Variants in RBMS3 observed in about 807,000 individuals in gnomAD.
The protein encoded by RBMS3 is RNA binding motif single stranded interacting protein 3.
Under a neutral mutation model 66.8 loss-of-function variants are expected in RBMS3, and 27 were observed. That is an observed-to-expected ratio of 0.40 (90% confidence interval 0.30 to 0.56). The LOEUF (loss-of-function observed/expected upper bound fraction) is 0.56. Ranked by LOEUF, RBMS3 falls within the 20% of genes least tolerant of loss-of-function variation. The pLI is 0.40. For missense variants in RBMS3, 513 were observed against 549.5 expected (o/e 0.93, Z 0.66); for synonymous variants, 188 against 183.0 (o/e 1.03, Z -0.22).
intron 12 of RBMS3, among the ~76,000 whole-genome samples, chr3:29,964,421 G>A (rs1477894283): frequency 6.6e-6 from 1 of 152,170 alleles, no homozygotes; most frequent in East Asian, 1.9e-4. Flanking sequence ...AGATCTAGTG[G>A]CATGTGCAGG....
At chr3:29,324,666 C>T (rs557862366) in intron 1 of RBMS3, among the ~76,000 whole-genome samples, 1 of 146,962 alleles carries the variant, frequency 6.8e-6, no homozygotes, top group South Asian at 2.1e-4. Flanking sequence ...CCATTAAGCC[C>T]TTACAATCTC....
intron 12 of RBMS3, among the ~76,000 whole-genome samples, chr3:29,955,936 A>G (rs1696010816): frequency 6.6e-6 from 1 of 152,050 alleles, no homozygotes; most frequent in South Asian, 2.1e-4. Flanking sequence ...TGACACTGCA[A>G]TATTTTATAC....
At chr3:29,492,454 A>C (rs1192733880) in intron 3 of RBMS3, among the ~76,000 whole-genome samples, 1 of 152,200 alleles carries the variant, frequency 6.6e-6, no homozygotes, top group Non-Finnish European at 1.5e-5. Flanking sequence ...GTATTGAAAC[A>C]ATCGTCTAAA....
At chr3:29,848,276 A>G (rs552794280) in intron 6 of RBMS3, among the ~76,000 whole-genome samples, 2 of 152,208 alleles carry the variant, frequency 1.3e-5, no homozygotes, top group African/African-American at 2.4e-5. Context: ...CCAATCTGCC[A>G]TAAGTCATTT....
At chr3:29,538,395 GA>G (rs767230709) in intron 3 of RBMS3, among the ~76,000 whole-genome samples, 2 of 152,182 alleles carry the variant, frequency 1.3e-5, no homozygotes, top group Admixed American at 6.5e-5. Flanking sequence ...GAAGAGGAAA[GA>G]GATATATACG....
chr3:29,373,829 T>C (rs192995059), intron 1 of RBMS3, among the ~76,000 whole-genome samples: 1 of 152,330 alleles, frequency 6.6e-6, no homozygotes, highest in East Asian at 1.9e-4. Flanking sequence ...TTCTCAGAAG[T>C]AATCAAAGCT....
intron 2 of RBMS3, among the ~76,000 whole-genome samples, chr3:29,485,350 CTG>C (rs2043281710): frequency 2.6e-5 from 4 of 151,770 alleles, no homozygotes; most frequent in African/African-American, 7.3e-5. Flanking sequence ...CAAATAGTTA[CTG>C]TAGACTAGCT....
At chr3:29,400,537 A>G (rs1159278207) in intron 1 of RBMS3, among the ~76,000 whole-genome samples, 2 of 151,974 alleles carry the variant, frequency 1.3e-5, no homozygotes, top group Non-Finnish European at 2.9e-5. Context: ...ACTTAATGCC[A>G]CTGAATTATT....
Position 29,734,589 on chromosome 3 carries a change from A to G in RBMS3, c.400-5131A>G, listed in dbSNP as rs560690129. 1.5e-3 allele frequency among the ~76,000 whole-genome samples: 234 copies of G among 152,216 alleles called. 1 individual carries two copies. The highest frequency in any genetic ancestry group is 5.4e-3 in the African/African-American group (226 of 41,562). Reference sequence around the variant, plus strand: ...TTCGATAGTATATAAAGTAAGCAAGAACTAATCACTCACTGAGACCCATAG... The same window carrying G: ...TTCGATAGTATATAAAGTAAGCAAGGACTAATCACTCACTGAGACCCATAG... On this transcript the variant is annotated intron_variant, in intron 4 of 14. Transcript: ENST00000383767.
chr3:29,696,899 C>T (rs896776665), intron 4 of RBMS3: 2 of 938,428 alleles, frequency 2.1e-6, no homozygotes, highest in Non-Finnish European at 2.5e-6. Context: ...TATACACCAA[C>T]CCCTGATTGA....
At chr3:29,684,195 G>A (rs1327380687) in intron 4 of RBMS3, among the ~76,000 whole-genome samples, 1 of 152,146 alleles carries the variant, frequency 6.6e-6, no homozygotes, top group African/African-American at 2.4e-5. Context: ...TTATGGTGTT[G>A]TACTGGGAGG....
chr3:29,433,299 A>AT (rs2125722022), intron 1 of RBMS3, among the ~76,000 whole-genome samples: 1 of 152,170 alleles, frequency 6.6e-6, no homozygotes, highest in East Asian at 1.9e-4. Context: ...CTGATAAAAT[A>AT]GCTAAAGACT....
At chr3:29,285,661 T>C (rs558714218) in intron 1 of RBMS3, among the ~76,000 whole-genome samples, 1 of 152,102 alleles carries the variant, frequency 6.6e-6, no homozygotes, top group East Asian at 1.9e-4. Flanking sequence ...GAGCCTGGTA[T>C]GAAGAAGGGG....
At chr3:29,627,480 C>A (rs955959386) in intron 4 of RBMS3, among the ~76,000 whole-genome samples, 1 of 152,024 alleles carries the variant, frequency 6.6e-6, no homozygotes, top group African/African-American at 2.4e-5. Context: ...ATTTTCCCCA[C>A]CCCAGTCAGG....
chr3:29,542,322 G>A (rs2045795020), intron 3 of RBMS3, among the ~76,000 whole-genome samples: 1 of 151,910 alleles, frequency 6.6e-6, no homozygotes, highest in Non-Finnish European at 1.5e-5. Context: ...CAAGCAGGTG[G>A]TATTATTCTT....
intron 1 of RBMS3, among the ~76,000 whole-genome samples, chr3:29,366,015 G>T (rs2037881339): frequency 6.6e-6 from 1 of 152,094 alleles, no homozygotes; most frequent in African/African-American, 2.4e-5. Context: ...AAGGAAAAAA[G>T]TCACATAGTA....
At chr3:29,884,463 TCTCTCTC>T (rs1469251306) in intron 8 of RBMS3, among the ~76,000 whole-genome samples, 5 of 114,076 alleles carry the variant, frequency 4.4e-5, no homozygotes, top group Non-Finnish European at 7.8e-5. Context: ...TCTCTCTCTC[TCTCTCTC>T]CCCCCCCGCT....
At chr3:29,420,100 A>G (rs770166742) in intron 1 of RBMS3, among the ~76,000 whole-genome samples, 1 of 152,174 alleles carries the variant, frequency 6.6e-6, no homozygotes, top group Non-Finnish European at 1.5e-5. Flanking sequence ...GTTAGTAAAG[A>G]TACTTTAATT....
intron 4 of RBMS3, among the ~76,000 whole-genome samples, chr3:29,662,224 G>A (rs573949814): frequency 2.3e-4 from 35 of 152,208 alleles, no homozygotes; most frequent in Admixed American, 2.2e-3. Context: ...GAAAACTTAT[G>A]AAGTCATGGC....
Sources: allele counts gnomAD v4.1 joint callset (sites outside exome capture counted in the v4.1 genomes callset), GRCh38; gene constraint gnomAD v4.1.1; transcripts MANE v1.5; gene names NCBI Gene and HGNC (gene_info 2026-07-23, HGNC 2026-07-21).